Variants in MAPK10 observed in about 807,000 individuals in gnomAD.
MAPK10 encodes mitogen-activated protein kinase 10.
Under a neutral mutation model 59.3 loss-of-function variants are expected in MAPK10, and 25 were observed. The observed-to-expected ratio is 0.42, with a 90% CI of 0.31 to 0.59. MAPK10 has a LOEUF of 0.59. MAPK10 is among the 20% of genes least tolerant of loss of function. The probability of loss-of-function intolerance (pLI) is 0.15; values close to 1 mark genes in which losing one functional copy is unlikely to be tolerated. For synonymous variants in MAPK10, 190 were observed against 200.5 expected, an observed-to-expected ratio of 0.95 and a Z score of 0.44; for missense variants, 351 against 568.9, an observed-to-expected ratio of 0.62 and a Z score of 3.90.
chr4:86,550,411 A>AAAAAAAAAAC (rs1467490853), intron 1 of MAPK10, among the ~76,000 whole-genome samples: 1 of 136,132 alleles, frequency 7.3e-6, no homozygotes, highest in Non-Finnish European at 1.6e-5. Context: ...AAAAAAAAAA[A>AAAAAAAAAAC]CTCCAGGCCA....
At chr4:86,558,164 T>A (rs1420202251) in intron 1 of MAPK10, among the ~76,000 whole-genome samples, 6 of 152,162 alleles carry the variant, frequency 3.9e-5, no homozygotes, top group Non-Finnish European at 4.4e-5. Flanking sequence ...TTCTCTTCTA[T>A]TAGCCCAGGC....
intron 11 of MAPK10, among the ~76,000 whole-genome samples, chr4:86,061,741 T>A (rs1294282638): frequency 6.6e-6 from 1 of 152,164 alleles, no homozygotes; most frequent in Non-Finnish European, 1.5e-5. Context: ...CAATGAAACT[T>A]ATTTTTCTTC....
At chr4:86,196,019 C>T (rs1164861816) in intron 2 of MAPK10, among the ~76,000 whole-genome samples, 2 of 152,136 alleles carry the variant, frequency 1.3e-5, no homozygotes, top group Non-Finnish European at 2.9e-5. Flanking sequence ...AACAGTGCTG[C>T]AATAAACATA....
intron 2 of MAPK10, among the ~76,000 whole-genome samples, chr4:86,300,394 C>A (rs750503306): frequency 2.0e-5 from 3 of 152,014 alleles, no homozygotes; most frequent in African/African-American, 4.8e-5. Context: ...AAAATTTGAG[C>A]CCCATATTCA....
chr4:86,555,877 C>A (rs994965095), intron 1 of MAPK10, among the ~76,000 whole-genome samples: 43 of 152,038 alleles, frequency 2.8e-4, no homozygotes, highest in African/African-American at 9.2e-4. Flanking sequence ...AAGAATGTGA[C>A]CATTTGACTA....
At chr4:86,382,176 G>A (rs953525066) in intron 1 of MAPK10, among the ~76,000 whole-genome samples, 1 of 151,984 alleles carries the variant, frequency 6.6e-6, no homozygotes, top group African/African-American at 2.4e-5. Flanking sequence ...ACCCCTAGGT[G>A]AGGACCACTG....
At chr4:86,302,114 C>A (rs1307502990) in intron 2 of MAPK10, among the ~76,000 whole-genome samples, 1 of 152,108 alleles carries the variant, frequency 6.6e-6, no homozygotes, top group Non-Finnish European at 1.5e-5. Context: ...ATGGTGATAA[C>A]CAGCCGAAGT....
At chr4:86,203,582 G>C (rs904994139) in intron 2 of MAPK10, among the ~76,000 whole-genome samples, 1 of 151,158 alleles carries the variant, frequency 6.6e-6, no homozygotes, top group African/African-American at 2.4e-5. Context: ...GGTATACGAT[G>C]TCATTACTTA....
intron 1 of MAPK10, among the ~76,000 whole-genome samples, chr4:86,556,872 G>GT (rs1387183696): frequency 2.0e-5 from 3 of 152,026 alleles, no homozygotes; most frequent in African/African-American, 7.2e-5. Flanking sequence ...CAAGAAAACA[G>GT]GTTCTAAGAT....
chr4:86,251,216 G>A (rs1169063554), intron 2 of MAPK10, among the ~76,000 whole-genome samples: 1 of 151,370 alleles, frequency 6.6e-6, no homozygotes, highest in African/African-American at 2.4e-5. Context: ...GGGTACATGT[G>A]CACATTGTGC....
At chr4:86,052,565 G>A (rs987517442) in intron 11 of MAPK10, among the ~76,000 whole-genome samples, 1 of 152,146 alleles carries the variant, frequency 6.6e-6, no homozygotes, top group South Asian at 2.1e-4. Context: ...GCTGGGTAGT[G>A]AGCTCCTAAG....
intron 2 of MAPK10, among the ~76,000 whole-genome samples, chr4:86,199,369 T>C (rs1233662681): frequency 2.6e-5 from 4 of 152,098 alleles, no homozygotes; most frequent in Non-Finnish European, 5.9e-5. Context: ...ATGAAATAGT[T>C]GAATAGTGAA....
intron 2 of MAPK10, among the ~76,000 whole-genome samples, chr4:86,299,509 G>A (rs145499902): frequency 5.3e-5 from 8 of 152,272 alleles, no homozygotes; most frequent in Non-Finnish European, 8.8e-5. Context: ...AAACGAGACC[G>A]CACCAGAGGT....
chr4:86,588,825 C>T (rs1003616193), intron 1 of MAPK10, among the ~76,000 whole-genome samples: 19 of 152,168 alleles, frequency 1.2e-4, no homozygotes, highest in Admixed American at 5.9e-4. Context: ...GTTTTTATCA[C>T]GTGTAGAAAC....
intron 1 of MAPK10, among the ~76,000 whole-genome samples, chr4:86,484,592 C>T (rs889403827): frequency 6.6e-6 from 1 of 152,146 alleles, no homozygotes; most frequent in African/African-American, 2.4e-5. Context: ...AGGTAGTACA[C>T]ATTAAGCAGT....
intron 2 of MAPK10, among the ~76,000 whole-genome samples, chr4:86,312,664 G>A (rs17449485): frequency 0.26 from 39,323 of 151,874 alleles, 5,371 homozygotes; most frequent in South Asian, 0.43. Context: ...ATCTAACAAA[G>A]ATCATTTCCC....
In MAPK10 at chr4:86,281,325, C is replaced by T. The variant is rs57446679; in HGVS notation, c.-7+73205G>A. ...ACCAGCCAGGCCAACATGGTGAAAC[C>T]TCATCTCTACTAAAACTACAAAAAA... On this transcript the variant is annotated intron_variant, in intron 2 of 13. Coordinates refer to ENST00000641462, the MANE Select transcript of MAPK10 (RefSeq NM_138982.4). 7.4e-3 allele frequency among the ~76,000 whole-genome samples: 1,129 copies of T among 151,782 alleles called. 15 individuals are homozygous for T. Among genetic ancestry groups the T allele is most frequent in the African/African-American group, 0.026 (1,065 of 41,384 alleles).
At chr4:86,372,507 C>G (rs1422151362) in intron 1 of MAPK10, among the ~76,000 whole-genome samples, 1 of 110,810 alleles carries the variant, frequency 9.0e-6, no homozygotes, top group South Asian at 2.8e-4. Flanking sequence ...CAGAGTAAGA[C>G]TCCATCTCAA....
chr4:86,406,613 C>T (rs1475219348), intron 1 of MAPK10, among the ~76,000 whole-genome samples: 1 of 152,186 alleles, frequency 6.6e-6, no homozygotes, highest in Non-Finnish European at 1.5e-5. Context: ...CTGCCATAAA[C>T]AGTTATAGCT....
Sources: allele counts gnomAD v4.1 joint callset (sites outside exome capture counted in the v4.1 genomes callset), GRCh38; gene constraint gnomAD v4.1.1; transcripts MANE v1.5; gene names NCBI Gene and HGNC (gene_info 2026-07-23, HGNC 2026-07-21).